The following ACTN1 variants were observed in gnomAD, a reference collection of about 807,000 sequenced individuals.
The protein encoded by ACTN1 is alpha-actinin-1.
In ACTN1, 30 loss-of-function variants were observed where a neutral mutation model predicts 119.6. That is an observed-to-expected ratio of 0.25 (90% confidence interval 0.19 to 0.34). The LOEUF (loss-of-function observed/expected upper bound fraction) is 0.34. ACTN1 is among the 10% of genes least tolerant of loss of function. The pLI, the probability that ACTN1 is intolerant of heterozygous loss-of-function variation, is 1.00. For synonymous variants in ACTN1, 429 were observed against 472.6 expected (o/e 0.91, Z 1.20); for missense variants, 764 against 1,223.4 (o/e 0.62, Z 5.60).
At position 68,878,262 on chromosome 14, in the gene ACTN1, C is replaced by G; in HGVS notation, c.2427+196G>C. On this transcript the variant is annotated intron_variant, in intron 20 of 21. Coordinates refer to ENST00000394419, the MANE Select transcript of ACTN1 (RefSeq NM_001130004.2). This position sits in a 1 kb window ranked among gnomAD's most constrained non-coding sequence, Gnocchi z 4.4. ...AGAGATTGAGGCGAGGAGGTCAGGC[C>G]TCCCGGATACACACACGCCCGTGGC... is the stretch of plus-strand genomic sequence containing the variant. 2.9e-6 allele frequency: 2 copies of G among 680,278 alleles called. No homozygotes were observed. The highest frequency in any genetic ancestry group is 4.6e-6 in the Non-Finnish European group (2 of 431,808). The allele number at this position is 680,278 out of a possible 1,614,324, so 42.1% of individuals were successfully genotyped here. A position where few individuals can be genotyped will look rare whatever the true frequency, so the allele number is the denominator to read the frequency against.
intron 2 of ACTN1, among the ~76,000 whole-genome samples, chr14:68,923,344 G>T (rs2034751124): frequency 6.6e-6 from 1 of 152,200 alleles, no homozygotes; most frequent in African/African-American, 2.4e-5. Context: ...TGGGCAGGTA[G>T]GGGGGTGGTG....
At chr14:68,875,079 G>A (rs757670319) in intron 21 of ACTN1, 62 bp from the exon 22 acceptor site, 18 of 1,598,080 alleles carry the variant, frequency 1.1e-5, no homozygotes, top group East Asian at 1.1e-4. Context: ...GGCGCGGCCC[G>A]ACACAGCCGC....
chr14:68,929,788 A>T (rs2035135111), intron 1 of ACTN1, among the ~76,000 whole-genome samples: 1 of 151,950 alleles, frequency 6.6e-6, no homozygotes, highest in Non-Finnish European at 1.5e-5. Context: ...GGGCCGCAAA[A>T]CAGCCTGGAC....
intron 1 of ACTN1, among the ~76,000 whole-genome samples, chr14:68,930,533 G>A (rs1296203165): frequency 6.6e-6 from 1 of 152,162 alleles, no homozygotes; most frequent in African/African-American, 2.4e-5. Context: ...CATGGGGAGA[G>A]GGAGAGGTAA....
chr14:68,950,035 C>T (rs940084948), intron 1 of ACTN1, among the ~76,000 whole-genome samples: 7 of 152,256 alleles, frequency 4.6e-5, no homozygotes, highest in South Asian at 2.1e-4. Flanking sequence ...GCGGCTCACA[C>T]CTGTAATCCC....
chr14:68,967,598 G>A (rs543468385), intron 1 of ACTN1, among the ~76,000 whole-genome samples: 34 of 152,350 alleles, frequency 2.2e-4, no homozygotes, highest in African/African-American at 8.2e-4. Flanking sequence ...CCAAGAAAGT[G>A]TAATGAAGGC....
rs920067646 is a variant in ACTN1 at position 68,909,470 on chromosome 14, G to A, written c.516-74C>T. 1 of 1,414,536 alleles carries A rather than the reference G, an allele frequency of 7.1e-7. No individual in the cohort carries two copies. Among genetic ancestry groups the A allele is most frequent in the African/African-American group, 1.4e-5 (1 of 70,964 alleles). 87.6% of individuals were successfully genotyped at this position (1,414,536 alleles called of 1,614,324 possible). ...AAACGGGCAACCAGGGCAAAGCAGG[G>A]GCCTCCTAGACACCAGAGAGATGAA... On this transcript the variant is annotated intron_variant, in intron 5 of 21. Transcript: ENST00000394419. This position sits in a 1 kb window ranked among gnomAD's most constrained non-coding sequence, Gnocchi z 4.1.
chr14:68,916,045 GA>G (rs2034274881), intron 3 of ACTN1, among the ~76,000 whole-genome samples: 1 of 152,160 alleles, frequency 6.6e-6, no homozygotes, highest in Non-Finnish European at 1.5e-5. Flanking sequence ...AATGAACGCA[GA>G]CATTAATGCT....
intron 3 of ACTN1, among the ~76,000 whole-genome samples, chr14:68,914,937 A>C (rs1411419972): frequency 1.3e-5 from 2 of 152,206 alleles, no homozygotes; most frequent in Non-Finnish European, 2.9e-5. Flanking sequence ...GGCCACAAGG[A>C]GCACGCATTT....
rs557032404 is a variant in ACTN1 at position 68,978,760 on chromosome 14, G to A, written c.105+192C>T. ...CGGCCCGGCGTTCCCGGGCTCCGGG[G>A]CAGGGGCGCTCCCGCTTCCGCCAGG... On this transcript the variant is annotated intron_variant, in intron 1 of 21. Coordinates refer to ENST00000394419, the MANE Select transcript of ACTN1 (RefSeq NM_001130004.2). The A allele has an allele frequency of 5.6e-3, 2,296 of 410,900 alleles. 47 individuals are homozygous for A. Among genetic ancestry groups the A allele is most frequent in the Non-Finnish European group, 2.7e-3 (623 of 234,296 alleles). 25.5% of individuals were successfully genotyped at this position (410,900 alleles called of 1,614,324 possible).
chr14:68,917,107 G>A (rs2034340672), intron 3 of ACTN1, among the ~76,000 whole-genome samples: 1 of 152,092 alleles, frequency 6.6e-6, no homozygotes, highest in South Asian at 2.1e-4. Flanking sequence ...TCTCTCCCCT[G>A]GTTAACTACA....
At chr14:68,927,482 T>C (rs919864451) in intron 1 of ACTN1, among the ~76,000 whole-genome samples, 1 of 152,092 alleles carries the variant, frequency 6.6e-6, no homozygotes, top group African/African-American at 2.4e-5. Flanking sequence ...GACATTCTAG[T>C]GGACGTAAGA....
At chr14:68,918,893 C>A (rs1429515266) in intron 3 of ACTN1, among the ~76,000 whole-genome samples, 1 of 152,212 alleles carries the variant, frequency 6.6e-6, no homozygotes, top group Non-Finnish European at 1.5e-5. Flanking sequence ...CTGGGCTCAA[C>A]TGATGACACT....
chr14:68,896,723 G>A (rs2032908115), intron 8 of ACTN1, among the ~76,000 whole-genome samples: 1 of 152,168 alleles, frequency 6.6e-6, no homozygotes, highest in South Asian at 2.1e-4. Flanking sequence ...GGAGAGACCT[G>A]GCTTCAGGCT....
intron 1 of ACTN1, among the ~76,000 whole-genome samples, chr14:68,974,971 T>C (rs2037012650): frequency 1.3e-5 from 2 of 152,218 alleles, no homozygotes; most frequent in Admixed American, 1.3e-4. Context: ...TGATGGTTTA[T>C]GGCCCCCAGC....
chr14:68,886,041 A>C, intron 11 of ACTN1: 1 of 156,416 alleles, frequency 6.4e-6, no homozygotes, highest in Admixed American at 6.3e-5. Flanking sequence ...ACAGAACCCG[A>C]CAGTGGCTAG....
intron 3 of ACTN1, among the ~76,000 whole-genome samples, chr14:68,913,248 T>C (rs2140307319): frequency 6.6e-6 from 1 of 152,322 alleles, no homozygotes; most frequent in South Asian, 2.1e-4. Context: ...AGGAGCCCAA[T>C]ACATGGAGCA....
chr14:68,934,068 C>T (rs984730255), intron 1 of ACTN1, among the ~76,000 whole-genome samples: 16 of 152,098 alleles, frequency 1.1e-4, no homozygotes, highest in Admixed American at 9.8e-4. Flanking sequence ...ATCCCACAGG[C>T]CCCCCAAAAA....
intron 1 of ACTN1, among the ~76,000 whole-genome samples, chr14:68,976,290 G>C (rs1358645733): frequency 6.6e-6 from 1 of 151,996 alleles, no homozygotes; most frequent in South Asian, 2.1e-4. Flanking sequence ...TCACTCCCCT[G>C]CCTCCCTCTG....
Sources: allele counts gnomAD v4.1 joint callset (sites outside exome capture counted in the v4.1 genomes callset), GRCh38; gene constraint gnomAD v4.1.1; non-coding constraint Gnocchi (gnomAD v3.1); transcripts MANE v1.5; gene names NCBI Gene and HGNC (gene_info 2026-07-23, HGNC 2026-07-21).